The following HDHD2 variants were observed in gnomAD, a reference collection of about 807,000 sequenced individuals.
The protein encoded by HDHD2 is haloacid dehalogenase like hydrolase domain containing 2, also known as haloacid dehalogenase-like hydrolase domain-containing protein 2.
Under a neutral mutation model 24.8 loss-of-function variants are expected in HDHD2, and 26 were observed. That is an observed-to-expected ratio of 1.05 (90% CI 0.77 to 1.45). The LOEUF (loss-of-function observed/expected upper bound fraction) is 1.45, where lower values mean the gene tolerates loss of function less well. HDHD2 is among the 40% of genes most tolerant of loss of function. The probability of loss-of-function intolerance (pLI) is 0.00; values close to 1 mark genes in which losing one functional copy is unlikely to be tolerated. For missense variants in HDHD2, 299 were observed against 313.4 expected (o/e 0.95, Z 0.35); for synonymous variants, 128 against 114.9 (o/e 1.11, Z -0.73).
chr18:47,139,870 C>A (rs185551713), intron 1 of HDHD2, among the ~76,000 whole-genome samples: 1 of 152,158 alleles, frequency 6.6e-6, no homozygotes, highest in Admixed American at 6.5e-5. Flanking sequence ...AGATGAAAAA[C>A]AGTTTGAATG....
At chr18:47,127,011 A>C (rs2063665334) in intron 4 of HDHD2, among the ~76,000 whole-genome samples, 1 of 152,122 alleles carries the variant, frequency 6.6e-6, no homozygotes, top group African/African-American at 2.4e-5. Flanking sequence ...AATACAAAAA[A>C]TTAGCTGGGC....
intron 4 of HDHD2, among the ~76,000 whole-genome samples, chr18:47,129,453 T>C (rs940788411): frequency 2.6e-5 from 4 of 151,968 alleles, no homozygotes; most frequent in African/African-American, 9.7e-5. Context: ...AAACCAAGGG[T>C]TCTCTCTTAC....
chr18:47,127,694 G>GAGC (rs1261475329), intron 4 of HDHD2, among the ~76,000 whole-genome samples: 1 of 142,320 alleles, frequency 7.0e-6, no homozygotes, highest in African/African-American at 2.6e-5. Context: ...CTGGATGACA[G>GAGC]AGCGAGACTT....
chr18:47,111,286 C>G, intron 6 of HDHD2: 11 of 984,408 alleles, frequency 1.1e-5, no homozygotes, highest in Non-Finnish European at 1.3e-5. Flanking sequence ...CCAGTGGAGA[C>G]CAGCTGGGGG....
intron 4 of HDHD2, among the ~76,000 whole-genome samples, chr18:47,119,953 T>C (rs1399748099): frequency 6.6e-6 from 1 of 152,246 alleles, no homozygotes; most frequent in African/African-American, 2.4e-5. Flanking sequence ...GCTTTGTCCA[T>C]GAGCAGTAAT....
intron 1 of HDHD2, among the ~76,000 whole-genome samples, chr18:47,138,992 G>A (rs1362259666): frequency 6.6e-6 from 1 of 152,160 alleles, no homozygotes; most frequent in Non-Finnish European, 1.5e-5. Context: ...CTCCATGGGG[G>A]CTTTTGGGGA....
chr18:47,137,448 A>G (rs923250521), intron 1 of HDHD2: 24 of 228,054 alleles, frequency 1.1e-4, no homozygotes, highest in Non-Finnish European at 2.0e-4. Context: ...ATTCCTTTAC[A>G]GTACACAAAG....
Position 47,115,364 on chromosome 18 carries a change from A to C in HDHD2, c.396-16T>G. 6.3e-7 allele frequency: 1 copy of C among 1,583,892 alleles called. No homozygotes were observed. The highest frequency in any genetic ancestry group is 8.6e-7 in the Non-Finnish European group (1 of 1,158,408). The stretch of plus-strand genomic sequence containing the variant: ...CAGGAGTAACCTAGAGAGAACAACA[A>C]CAAAAAAAACAAATTGGCTAAAAGC... On this transcript the variant is annotated splice_polypyrimidine_tract_variant and intron_variant, in intron 4 of 6. Transcript: ENST00000300605.
At chr18:47,131,134 C>T (rs2063709818) in intron 3 of HDHD2, among the ~76,000 whole-genome samples, 1 of 152,116 alleles carries the variant, frequency 6.6e-6, no homozygotes, top group African/African-American at 2.4e-5. Context: ...GTGCCAACCA[C>T]ACCCGGCTAA....
At chr18:47,130,730 ATGAGGGAC>A (rs1395179267) in intron 3 of HDHD2, among the ~76,000 whole-genome samples, 1 of 152,220 alleles carries the variant, frequency 6.6e-6, no homozygotes, top group Non-Finnish European at 1.5e-5. Flanking sequence ...ATAGCAACTG[ATGAGGGAC>A]TGAGAATCTA....
chr18:47,121,423 C>T (rs2063606117), intron 4 of HDHD2, among the ~76,000 whole-genome samples: 1 of 152,148 alleles, frequency 6.6e-6, no homozygotes, highest in Non-Finnish European at 1.5e-5. Flanking sequence ...CTCCACATCC[C>T]TATTCACTAG....
chr18:47,144,014 T>A (rs1002725087), intron 1 of HDHD2, among the ~76,000 whole-genome samples: 2 of 151,858 alleles, frequency 1.3e-5, no homozygotes, highest in South Asian at 4.2e-4. Context: ...AGGCTAAGAA[T>A]CAAATTAACT....
intron 1 of HDHD2, among the ~76,000 whole-genome samples, chr18:47,139,147 A>G (rs2063795624): frequency 6.6e-6 from 1 of 151,912 alleles, no homozygotes; most frequent in South Asian, 2.1e-4. Flanking sequence ...TTTGGCTGTT[A>G]ATTTGTATCC....
chr18:47,130,889 T>C (rs1008022828), intron 3 of HDHD2, among the ~76,000 whole-genome samples: 8 of 152,262 alleles, frequency 5.3e-5, no homozygotes, highest in African/African-American at 1.9e-4. Context: ...ATTTTAAAAT[T>C]AAAGTATGTT....
rs781377975 is a variant in HDHD2 at position 47,134,431 on chromosome 18, G to A, written c.310+65C>T. The A allele has an allele frequency of 1.2e-4, 132 of 1,134,722 alleles. 1 individual carries two copies. Among genetic ancestry groups the A allele is most frequent in the Admixed American group, 1.8e-4 (9 of 51,016 alleles). 70.3% of individuals were successfully genotyped at this position (1,134,722 alleles called of 1,614,324 possible). The stretch of plus-strand genomic sequence containing the variant: ...CAGAATAAACATCTCTAAACATCCA[G>A]TTTTAAAAATGATTTGTAAGTACAT... On this transcript the variant is annotated intron_variant, in intron 3 of 6. Coordinates refer to ENST00000300605, the MANE Select transcript of HDHD2 (RefSeq NM_032124.5).
intron 4 of HDHD2, among the ~76,000 whole-genome samples, chr18:47,125,120 C>T (rs190741073): frequency 2.8e-4 from 42 of 152,152 alleles, no homozygotes; most frequent in Non-Finnish European, 5.6e-4. Context: ...TATGATAGTG[C>T]CACTGCACTC....
At chr18:47,134,236 C>G (rs1466373348) in intron 3 of HDHD2, among the ~76,000 whole-genome samples, 1 of 152,050 alleles carries the variant, frequency 6.6e-6, no homozygotes, top group African/African-American at 2.4e-5. Flanking sequence ...TGTTATACAG[C>G]AAGAGTAAGT....
chr18:47,119,923 G>A (rs1272928339), intron 4 of HDHD2, among the ~76,000 whole-genome samples: 1 of 152,204 alleles, frequency 6.6e-6, no homozygotes, highest in Non-Finnish European at 1.5e-5. Flanking sequence ...ATCTCCAGCG[G>A]AGCTCTTGGG....
chr18:47,126,271 T>G (rs895636549), intron 4 of HDHD2, among the ~76,000 whole-genome samples: 11 of 152,216 alleles, frequency 7.2e-5, no homozygotes, highest in African/African-American at 2.7e-4. Context: ...CTCTAAGTAC[T>G]TAGGAAATAT....
Sources: allele counts gnomAD v4.1 joint callset (sites outside exome capture counted in the v4.1 genomes callset), GRCh38; gene constraint gnomAD v4.1.1; transcripts MANE v1.5; gene names NCBI Gene and HGNC (gene_info 2026-07-23, HGNC 2026-07-21).